The following BCAS1 variants were observed in gnomAD, a reference collection of about 807,000 sequenced individuals.
BCAS1 encodes breast carcinoma-amplified sequence 1.
Under a neutral mutation model 65.4 loss-of-function variants are expected in BCAS1, and 46 were observed. The ratio of observed to expected loss-of-function variants is 0.70; its 90% CI spans 0.55 to 0.90. BCAS1 has a LOEUF of 0.90. Among genes scored for constraint, BCAS1 ranks in the 40% least tolerant of loss-of-function variants. The pLI, the probability that BCAS1 is intolerant of heterozygous loss-of-function variation, is 0.00. For missense variants in BCAS1, 793 were observed against 771.2 expected, an observed-to-expected ratio of 1.03 and a Z score of -0.33; for synonymous variants, 298 against 293.5, an observed-to-expected ratio of 1.02 and a Z score of -0.16.
At chr20:54,014,688 T>C (rs2091395212) in intron 4 of BCAS1, among the ~76,000 whole-genome samples, 1 of 152,188 alleles carries the variant, frequency 6.6e-6, no homozygotes, top group African/African-American at 2.4e-5. Context: ...CAGAAACTCA[T>C]GACTCCACTC....
rs16998725 is a variant in BCAS1 at position 53,999,023 on chromosome 20, C to G, written c.724-2973G>C. On this transcript the variant is annotated intron_variant, in intron 4 of 12. Transcript: ENST00000688948. ...TATGGGGATTATAAGTCAGGCCTGTCAGAACTGAACATCTTAAAATTCTAT... is the reference window on the plus strand; with the variant it reads ...TATGGGGATTATAAGTCAGGCCTGTGAGAACTGAACATCTTAAAATTCTAT... 1.4e-3 allele frequency among the ~76,000 whole-genome samples: 214 copies of G among 152,224 alleles called. 1 individual carries two copies. Among genetic ancestry groups the G allele is most frequent in the Non-Finnish European group, 2.5e-3 (168 of 68,014 alleles).
At chr20:54,019,720 G>A (rs1430225115) in intron 4 of BCAS1, among the ~76,000 whole-genome samples, 2 of 152,226 alleles carry the variant, frequency 1.3e-5, no homozygotes, top group Non-Finnish European at 2.9e-5. Context: ...CTGGGTTGCT[G>A]AGTCTTCCAG....
chr20:53,963,059 C>A (rs987054134), intron 10 of BCAS1, among the ~76,000 whole-genome samples: 9 of 151,574 alleles, frequency 5.9e-5, no homozygotes, highest in African/African-American at 1.9e-4. Flanking sequence ...ACCGTGTTAG[C>A]CAGGATGGTC....
chr20:54,070,242 G>C (rs989440877), intron 1 of BCAS1, among the ~76,000 whole-genome samples, 191 bp downstream of exon 1: 3 of 152,180 alleles, frequency 2.0e-5, no homozygotes, highest in Admixed American at 1.3e-4. Flanking sequence ...AAAACTTTGA[G>C]ATGAGTGCTA....
intron 12 of BCAS1, among the ~76,000 whole-genome samples, chr20:53,945,883 C>G (rs566668417): frequency 3.3e-5 from 5 of 152,076 alleles, no homozygotes; most frequent in African/African-American, 9.7e-5. Flanking sequence ...ATGATCCCCC[C>G]ACGTCAGCCT....
At chr20:54,055,998 T>C (rs2092291765) in intron 3 of BCAS1, among the ~76,000 whole-genome samples, 1 of 152,142 alleles carries the variant, frequency 6.6e-6, no homozygotes, top group Admixed American at 6.5e-5. Context: ...GTTGAATTCA[T>C]AGAAGCAGAG....
intron 3 of BCAS1, among the ~76,000 whole-genome samples, chr20:54,042,945 G>C (rs766913150): frequency 2.6e-5 from 4 of 152,218 alleles, no homozygotes; most frequent in African/African-American, 4.8e-5. Flanking sequence ...TGCTGAGAGT[G>C]TCATGGCCTT....
intron 3 of BCAS1, among the ~76,000 whole-genome samples, chr20:54,052,851 T>C (rs1341171263): frequency 1.3e-5 from 2 of 152,238 alleles, no homozygotes; most frequent in East Asian, 3.8e-4. Context: ...GTTATAGCAG[T>C]ACAAACAGAT....
chr20:54,020,792 C>G (rs1394926918), intron 4 of BCAS1, among the ~76,000 whole-genome samples: 1 of 152,194 alleles, frequency 6.6e-6, no homozygotes, highest in Non-Finnish European at 1.5e-5. Context: ...TGGGTCAAAA[C>G]CAGCAGTAAA....
chr20:53,972,117 T>C (rs559100269), intron 9 of BCAS1, among the ~76,000 whole-genome samples: 2 of 152,326 alleles, frequency 1.3e-5, no homozygotes, highest in Admixed American at 1.3e-4. Flanking sequence ...TGGAAAGTTG[T>C]AGGTAGAGAA....
intron 4 of BCAS1, among the ~76,000 whole-genome samples, chr20:54,017,027 C>A (rs2091453157): frequency 1.3e-5 from 2 of 152,282 alleles, no homozygotes; most frequent in East Asian, 3.9e-4. Flanking sequence ...CATGGTACAT[C>A]ATCATTAATC....
chr20:53,980,718 T>C (rs2090456025), intron 8 of BCAS1, among the ~76,000 whole-genome samples: 4 of 152,246 alleles, frequency 2.6e-5, no homozygotes. Flanking sequence ...TTGAGCATCT[T>C]TGAGCCAAGC....
chr20:53,997,349 T>C (rs910600064), intron 4 of BCAS1, among the ~76,000 whole-genome samples: 10 of 152,228 alleles, frequency 6.6e-5, no homozygotes, highest in African/African-American at 1.4e-4. Flanking sequence ...TGTACCAGCA[T>C]AAATTCTCAT....
intron 4 of BCAS1, among the ~76,000 whole-genome samples, chr20:54,024,889 AAGAAG>A (rs941211517): frequency 7.3e-4 from 111 of 152,278 alleles, no homozygotes; most frequent in African/African-American, 2.5e-3. Context: ...CAAGAGAGAA[AAGAAG>A]AGAAGTGAAA....
intron 8 of BCAS1, among the ~76,000 whole-genome samples, chr20:53,978,772 C>A (rs1025990042): frequency 6.6e-6 from 1 of 152,176 alleles, no homozygotes; most frequent in African/African-American, 2.4e-5. Flanking sequence ...AGGTTCTGAT[C>A]CCCCTTTAGT....
At chr20:53,994,609 G>A (rs747720551) in intron 6 of BCAS1, among the ~76,000 whole-genome samples, 9 of 151,974 alleles carry the variant, frequency 5.9e-5, no homozygotes, top group East Asian at 1.9e-4. Context: ...TAGAGTCCAC[G>A]TCCTACTGAA....
At chr20:53,986,773 T>A (rs531865360) in intron 7 of BCAS1, among the ~76,000 whole-genome samples, 1 of 152,194 alleles carries the variant, frequency 6.6e-6, no homozygotes, top group Non-Finnish European at 1.5e-5. Context: ...GGCTTGCACC[T>A]GTGGTCCCAG....
intron 11 of BCAS1, among the ~76,000 whole-genome samples, chr20:53,956,186 A>C (rs2089693149): frequency 6.6e-6 from 1 of 152,216 alleles, no homozygotes; most frequent in Non-Finnish European, 1.5e-5. Context: ...TTATATTTGG[A>C]ATAGGAAGTA....
intron 7 of BCAS1, among the ~76,000 whole-genome samples, chr20:53,987,271 A>G (rs1239585400): frequency 1.3e-5 from 2 of 152,254 alleles, no homozygotes; most frequent in East Asian, 3.8e-4. Flanking sequence ...GATAGTTGAT[A>G]CTGGAATAGC....
Sources: gnomAD v4.1 joint callset for allele counts (sites outside exome capture counted in the v4.1 genomes callset) on GRCh38, gnomAD v4.1.1 for gene constraint, MANE v1.5 for transcripts, NCBI Gene and HGNC (gene_info 2026-07-23, HGNC 2026-07-21) for gene names.